Variants in ERC1 observed in about 807,000 individuals in gnomAD.
ERC1 encodes the protein ELKS/RAB6-interacting/CAST family member 1.
ERC1 carries 56 observed loss-of-function variants against 132.0 expected under a neutral mutation model. That is an observed-to-expected ratio of 0.42 (90% CI 0.34 to 0.53). The LOEUF (loss-of-function observed/expected upper bound fraction) is 0.53, where lower values mean the gene tolerates loss of function less well. Among genes scored for constraint, ERC1 ranks in the 20% least tolerant of loss-of-function variants. The pLI, the probability that ERC1 is intolerant of heterozygous loss-of-function variation, is 0.03. For missense variants in ERC1, 1,202 were observed against 1,349.9 expected (o/e 0.89, Z 1.72); for synonymous variants, 478 against 476.1 (o/e 1.00, Z -0.05).
At chr12:1,395,215 A>C (rs2154384594) in intron 16 of ERC1, among the ~76,000 whole-genome samples, 1 of 152,346 alleles carries the variant, frequency 6.6e-6, no homozygotes, top group Middle Eastern at 3.4e-3. Context: ...TAGGTACTGC[A>C]CTGGGCCATT....
intron 18 of ERC1, among the ~76,000 whole-genome samples, chr12:1,448,397 C>G (rs1193662517): frequency 6.6e-6 from 1 of 152,136 alleles, no homozygotes; most frequent in Non-Finnish European, 1.5e-5. Context: ...AGAAACCAAC[C>G]CATTTCGTGC....
At chr12:1,325,058 GA>G (rs113579315) in intron 15 of ERC1, among the ~76,000 whole-genome samples, 5,273 of 152,034 alleles carry the variant, frequency 0.035, 98 homozygotes, top group Middle Eastern at 0.075. Flanking sequence ...ACTGTTTGTA[GA>G]AAAAAAATGA....
At chr12:1,179,832 C>G (rs1954206978) in intron 8 of ERC1, among the ~76,000 whole-genome samples, 1 of 150,846 alleles carries the variant, frequency 6.6e-6, no homozygotes, top group South Asian at 2.1e-4. Context: ...TCCATAGTGT[C>G]TGGCATGTAA....
intron 18 of ERC1, among the ~76,000 whole-genome samples, chr12:1,457,617 A>AT (rs1565478042): frequency 6.6e-6 from 1 of 152,152 alleles, no homozygotes; most frequent in African/African-American, 2.4e-5. Context: ...TGTCTCAACC[A>AT]TTTTTTTATA....
chr12:1,053,205 A>G (rs933987900), intron 2 of ERC1, among the ~76,000 whole-genome samples: 2 of 152,224 alleles, frequency 1.3e-5, no homozygotes, highest in African/African-American at 4.8e-5. Context: ...CCTATGCTTG[A>G]TATAGATCAA....
At chr12:1,166,303 C>G (rs758672484) in intron 8 of ERC1, among the ~76,000 whole-genome samples, 1 of 152,126 alleles carries the variant, frequency 6.6e-6, no homozygotes. Flanking sequence ...GAGAAGCTCC[C>G]CTGCACAAGC....
At chr12:1,289,374 TTAA>T (rs2079271950) in intron 14 of ERC1, among the ~76,000 whole-genome samples, 1 of 152,000 alleles carries the variant, frequency 6.6e-6, no homozygotes, top group Non-Finnish European at 1.5e-5. Flanking sequence ...GAAATTCTTC[TTAA>T]TGATGTAAAT....
At chr12:1,479,497 A>G (rs1759021956) in intron 18 of ERC1, among the ~76,000 whole-genome samples, 1 of 152,306 alleles carries the variant, frequency 6.6e-6, no homozygotes, top group African/African-American at 2.4e-5. Flanking sequence ...CGAGAGGGCA[A>G]TTTCAGTGAA....
At chr12:1,365,668 A>G (rs1203913091) in intron 15 of ERC1, among the ~76,000 whole-genome samples, 2 of 152,224 alleles carry the variant, frequency 1.3e-5, no homozygotes, top group Non-Finnish European at 2.9e-5. Flanking sequence ...AAATAAAACA[A>G]GAAAGCTTAA....
At chr12:1,065,422 A>G (rs1230496714) in intron 2 of ERC1, among the ~76,000 whole-genome samples, 2 of 149,704 alleles carry the variant, frequency 1.3e-5, no homozygotes, top group African/African-American at 2.5e-5. Flanking sequence ...TTTGTTTGAT[A>G]TATATCTCCT....
Position 1,141,668 on chromosome 12 carries a change from A to G in ERC1, c.1618A>G (p.Lys540Glu). 1 of 1,613,526 alleles carries G rather than the reference A, an allele frequency of 6.2e-7. No homozygotes were observed. The highest frequency in any genetic ancestry group is 8.5e-7 in the Non-Finnish European group (1 of 1,179,594). ...RLEEKETMLN[K>E]KTKQIQDMAE... ...GGAAGAGAAGGAAACCATGTTGAAT[A>G]AAAAGACAAAACAAATTCAGGATAT... Residue 540 changes from lysine to glutamate, a missense_variant, in exon 8 of 19, where the codon AAA becomes GAA. Transcript: ENST00000360905.
At position 1,394,015 on chromosome 12, in the gene ERC1, C is replaced by CAAAAA. The variant is rs1216337061; in HGVS notation, c.2926-14120_2926-14116dup. Among the ~76,000 whole-genome samples, 53 of 26,928 alleles carry CAAAAA rather than the reference C, an allele frequency of 2.0e-3. 2 individuals carry two copies. Among genetic ancestry groups the CAAAAA allele is most frequent in the African/African-American group, 9.0e-3 (51 of 5,688 alleles). 17.7% of individuals were successfully genotyped at this position (26,928 alleles called of 152,430 possible). ...TGGGTGACAGAGTGAGACTCCGTCT[C>CAAAAA]AAAAAAAAAAAAAAAAAACAAAAAA... On this transcript the variant is annotated intron_variant, in intron 16 of 18. Transcript: ENST00000360905.
chr12:1,307,565 G>C (rs941956459), intron 15 of ERC1, among the ~76,000 whole-genome samples: 1 of 152,106 alleles, frequency 6.6e-6, no homozygotes, highest in African/African-American at 2.4e-5. Flanking sequence ...TTATATTCTT[G>C]TTTTCACTTT....
chr12:1,185,267 C>A (rs538717563), intron 11 of ERC1, among the ~76,000 whole-genome samples: 1 of 152,134 alleles, frequency 6.6e-6, no homozygotes, highest in Admixed American at 6.5e-5. Flanking sequence ...TCTCAAACCC[C>A]TGCCTCAAGA....
chr12:1,126,505 G>A (rs1346774616), intron 7 of ERC1, among the ~76,000 whole-genome samples: 3 of 152,160 alleles, frequency 2.0e-5, no homozygotes, highest in African/African-American at 7.2e-5. Context: ...CAGTGTTAAA[G>A]AGAAACTATA....
At chr12:1,183,871 C>T (rs895213011) in intron 11 of ERC1, among the ~76,000 whole-genome samples, 3 of 152,018 alleles carry the variant, frequency 2.0e-5, no homozygotes, top group African/African-American at 7.3e-5. Context: ...AACGGTGGCT[C>T]ATGCCTGTAA....
At chr12:1,070,566 G>A (rs140644366) in intron 2 of ERC1, among the ~76,000 whole-genome samples, 94 of 152,218 alleles carry the variant, frequency 6.2e-4, no homozygotes, top group African/African-American at 2.2e-3. Flanking sequence ...GATTATAGGT[G>A]TGAGCCACTG....
chr12:1,487,653 G>A (rs953651420), intron 18 of ERC1, among the ~76,000 whole-genome samples: 11 of 150,194 alleles, frequency 7.3e-5, no homozygotes, highest in South Asian at 4.2e-4. Context: ...TCAGGAGGTC[G>A]AGGCCACAGT....
chr12:1,042,270 C>T lies in ERC1; in HGVS notation c.669+13698C>T, dbSNP rs538250864. On this transcript the variant is annotated intron_variant, in intron 2 of 18. Coordinates refer to ENST00000360905, the MANE Select transcript of ERC1 (RefSeq NM_178040.4). ...GCTAGGATGGTCTTAACCTCCAGAC[C>T]TGGTGATCTGCCCGCCTCAGCTTCC... Among the ~76,000 whole-genome samples the T allele has an allele frequency of 2.6e-5, 4 of 151,484 alleles. No individual in the cohort carries two copies. The East Asian group carries it at 7.8e-4, about 29-fold the overall frequency.
Sources: allele counts gnomAD v4.1 joint callset (sites outside exome capture counted in the v4.1 genomes callset), GRCh38; gene constraint gnomAD v4.1.1; transcripts MANE v1.5; gene names NCBI Gene and HGNC (gene_info 2026-07-23, HGNC 2026-07-21).